IQSEC1: variants seen among roughly 807,000 people sequenced by gnomAD.
IQSEC1 encodes IQ motif and Sec7 domain ArfGEF 1, also known as IQ motif and SEC7 domain-containing protein 1.
Under a neutral mutation model 91.0 loss-of-function variants are expected in IQSEC1, and 31 were observed. The observed-to-expected ratio is 0.34, with a 90% CI of 0.26 to 0.46. The LOEUF is 0.46. Among genes scored for constraint, IQSEC1 ranks in the 20% least tolerant of loss-of-function variants. The pLI is 1.00. For synonymous variants in IQSEC1, 699 were observed against 662.6 expected, an observed-to-expected ratio of 1.05 and a Z score of -0.84; for missense variants, 1,388 against 1,575.6, an observed-to-expected ratio of 0.88 and a Z score of 2.02.
At chr3:13,112,960 G>A (rs1179690598) in intron 2 of IQSEC1, among the ~76,000 whole-genome samples, 1 of 152,262 alleles carries the variant, frequency 6.6e-6, no homozygotes, top group East Asian at 1.9e-4. Flanking sequence ...TCATTCTGCT[G>A]TGATTAAAAA....
At chr3:13,147,415 G>A (rs150173851) in intron 2 of IQSEC1, among the ~76,000 whole-genome samples, 92 of 151,570 alleles carry the variant, frequency 6.1e-4, no homozygotes, top group African/African-American at 2.0e-3. Context: ...GAACATGGCA[G>A]TTTTTGTTTT....
chr3:13,210,754 C>T (rs1406106286), intron 1 of IQSEC1, among the ~76,000 whole-genome samples: 1 of 152,154 alleles, frequency 6.6e-6, no homozygotes, highest in African/African-American at 2.4e-5. Context: ...CAGGCAGCCT[C>T]AGGAGTCATG....
intron 1 of IQSEC1, among the ~76,000 whole-genome samples, chr3:13,256,390 C>T (rs1695285960): frequency 6.6e-6 from 1 of 152,186 alleles, no homozygotes; most frequent in Admixed American, 6.5e-5. Context: ...ATAATGATAT[C>T]ATATATAATT....
intron 1 of IQSEC1, among the ~76,000 whole-genome samples, chr3:13,258,676 A>T (rs1695332202): frequency 6.6e-6 from 1 of 152,200 alleles, no homozygotes; most frequent in Admixed American, 6.5e-5. Flanking sequence ...ACAGCATGAG[A>T]TCCTGAAAAT....
At chr3:12,903,042 C>T (rs995770045) in intron 12 of IQSEC1, among the ~76,000 whole-genome samples, 6 of 151,866 alleles carry the variant, frequency 4.0e-5, no homozygotes, top group Non-Finnish European at 5.9e-5. Flanking sequence ...ATAAAGTTTT[C>T]GAAAAGCAAA....
At chr3:13,011,295 A>C (rs168628) in intron 1 of IQSEC1, among the ~76,000 whole-genome samples, 146,206 of 152,250 alleles carry the variant, frequency 0.96, 70,216 homozygotes, top group East Asian at 1. Flanking sequence ...GGCTCAAGAC[A>C]ATGGATGCAA....
At chr3:12,956,349 C>T (rs1296752776) in intron 1 of IQSEC1, among the ~76,000 whole-genome samples, 2 of 152,236 alleles carry the variant, frequency 1.3e-5, no homozygotes, top group Non-Finnish European at 2.9e-5. Context: ...TAATTTAGAA[C>T]ACCAATTCCC....
intron 1 of IQSEC1, among the ~76,000 whole-genome samples, chr3:12,978,793 G>A (rs1160398946): frequency 6.6e-6 from 1 of 152,326 alleles, no homozygotes; most frequent in South Asian, 2.1e-4. Context: ...CAACCTGGTA[G>A]ACAGGCAGGA....
At chr3:12,963,584 T>C (rs1700373526) in intron 1 of IQSEC1, among the ~76,000 whole-genome samples, 2 of 152,162 alleles carry the variant, frequency 1.3e-5, no homozygotes, top group Non-Finnish European at 2.9e-5. Context: ...AAGCTGCACA[T>C]CCCCCACCCC....
intron 1 of IQSEC1, among the ~76,000 whole-genome samples, chr3:12,955,265 G>A (rs1467752781): frequency 6.6e-6 from 1 of 152,228 alleles, no homozygotes; most frequent in African/African-American, 2.4e-5. Context: ...AATGCCCTGG[G>A]CTCAGCTCTC....
chr3:13,077,731 T>C (rs1460299810), upstream of IQSEC1, among the ~76,000 whole-genome samples: 1 of 152,162 alleles, frequency 6.6e-6, no homozygotes, highest in African/African-American at 2.4e-5. Context: ...CAATTATCTC[T>C]GGAAATGTGT....
chr3:13,193,531 T>G lies in IQSEC1; in HGVS notation c.273-29398A>C, dbSNP rs1382433034. 6.6e-6 allele frequency among the ~76,000 whole-genome samples: 1 copy of G among 150,880 alleles called. No individual in the cohort carries two copies. The highest frequency in any genetic ancestry group is 1.5e-5 in the Non-Finnish European group (1 of 67,744). ...AAGGCACAGAGGGGACGAAGAGGAG[T>G]GCCAGCCCAGGCCGCCAGGGTGACA... On this transcript the variant is annotated intron_variant, in intron 1 of 15. Coordinates refer to the IQSEC1 transcript ENST00000648114. This position sits in a 1 kb window ranked among gnomAD's most constrained non-coding sequence, Gnocchi z 4.2.
chr3:13,056,245 C>T (rs1194847846), intron 1 of IQSEC1, among the ~76,000 whole-genome samples: 1 of 152,158 alleles, frequency 6.6e-6, no homozygotes, highest in Non-Finnish European at 1.5e-5. Context: ...AGCCTTAGTC[C>T]AGTACAGGCT....
Position 12,911,619 on chromosome 3 carries a change from G to A in IQSEC1, c.2416+10C>T. 1 of 1,600,922 alleles carries A rather than the reference G, an allele frequency of 6.2e-7. No homozygotes were observed. Among genetic ancestry groups the A allele is most frequent in the Non-Finnish European group, 8.6e-7 (1 of 1,168,258 alleles). On this transcript the variant is annotated intron_variant, in intron 10 of 13. Transcript: ENST00000613206. ...GCGCTCTTCCAGGCAGGCCCTGGGG[G>A]CAGACTTACACTGGTTCTCGAAGAG...
rs1406867210 is a variant in IQSEC1, at chr3:12,902,681, A to AC, written c.2805+91_2805+92insG. On this transcript the variant is annotated intron_variant, in intron 13 of 13. Coordinates refer to ENST00000613206, the MANE Select transcript of IQSEC1 (RefSeq NM_001134382.3). ...AACAAAAAAAAAACCAAAAAAAAAA[A>AC]AAAAAAAAAAAAACCAGGACAACAG... The AC allele has an allele frequency of 1.1e-5, 7 of 629,192 alleles. No homozygotes were observed. In the East Asian group the frequency reaches 1.6e-4, roughly 14 times the overall value. The allele number at this position is 629,192 out of a possible 1,614,324, so 39.0% of individuals were successfully genotyped here.
Position 12,983,421 on chromosome 3 carries a change from C to A in IQSEC1, c.24-41556G>T, listed in dbSNP as rs373924189. Among the ~76,000 whole-genome samples, 11 of 152,256 alleles carry A rather than the reference C, an allele frequency of 7.2e-5. 1 individual carries two copies. The highest frequency in any genetic ancestry group is 5.2e-4 in the Admixed American group (8 of 15,300). On this transcript the variant is annotated intron_variant, in intron 1 of 13. Transcript: ENST00000613206. This position sits in a 1 kb window ranked among gnomAD's most constrained non-coding sequence, Gnocchi z 4.3. ...GAAGCATGGCTCACTCCTGGCCTGACCAAAGCAATCCCCAGCCCCACCTCT... is the reference window on the plus strand; with the variant it reads ...GAAGCATGGCTCACTCCTGGCCTGAACAAAGCAATCCCCAGCCCCACCTCT...
chr3:12,951,160 C>T (rs975202262), intron 1 of IQSEC1, among the ~76,000 whole-genome samples: 4 of 152,192 alleles, frequency 2.6e-5, no homozygotes, highest in Admixed American at 1.3e-4. Context: ...TGGCGGCTAA[C>T]GCCTGTAATC....
At chr3:13,121,024 A>G (rs1040371491) in intron 2 of IQSEC1, among the ~76,000 whole-genome samples, 2 of 152,174 alleles carry the variant, frequency 1.3e-5, no homozygotes, top group Admixed American at 6.5e-5. Context: ...GCACCCTGCA[A>G]CCCCTTGACC....
chr3:13,058,954 G>C (rs1452880266), intron 1 of IQSEC1, among the ~76,000 whole-genome samples: 1 of 152,038 alleles, frequency 6.6e-6, no homozygotes, highest in African/African-American at 2.4e-5. Flanking sequence ...CAGGTGGGTG[G>C]GCTGAGCTCT....
Sources: gnomAD v4.1 joint callset for allele counts (sites outside exome capture counted in the v4.1 genomes callset) on GRCh38, gnomAD v4.1.1 for gene constraint, Gnocchi (gnomAD v3.1) non-coding constraint, MANE v1.5 for transcripts, NCBI Gene and HGNC (gene_info 2026-07-23, HGNC 2026-07-21) for gene names.